Variants in PRDM16 observed in about 807,000 individuals in gnomAD.
The protein encoded by PRDM16 is PR/SET domain 16, also known as histone-lysine N-methyltransferase PRDM16.
PRDM16 carries 23 observed loss-of-function variants against 110.6 expected under a neutral mutation model. The ratio of observed to expected loss-of-function variants is 0.21; its 90% CI spans 0.15 to 0.29. PRDM16 has a LOEUF of 0.29. Among genes scored for constraint, PRDM16 ranks in the 10% least tolerant of loss-of-function variants. The probability of loss-of-function intolerance (pLI) is 1.00; values close to 1 mark genes in which losing one functional copy is unlikely to be tolerated. For missense variants in PRDM16, 1,615 were observed against 1,794.3 expected, an observed-to-expected ratio of 0.90 and a Z score of 1.81; for synonymous variants, 799 against 781.8, an observed-to-expected ratio of 1.02 and a Z score of -0.37.
At chr1:3,089,051 G>C (rs1358627126) in intron 1 of PRDM16, among the ~76,000 whole-genome samples, 1 of 152,184 alleles carries the variant, frequency 6.6e-6, no homozygotes, top group Non-Finnish European at 1.5e-5. Flanking sequence ...CCAAAGTGCT[G>C]GGATTACAGG....
In PRDM16 at chr1:3,243,892, G is replaced by T. The variant is rs1639729560; in HGVS notation, c.388-195G>T. Among the ~76,000 whole-genome samples the T allele has an allele frequency of 6.6e-6, 1 of 152,240 alleles. No homozygotes were observed. Among genetic ancestry groups the T allele is most frequent in the African/African-American group, 2.4e-5 (1 of 41,526 alleles). On this transcript the variant is annotated intron_variant, in intron 2 of 16. Coordinates refer to ENST00000270722, the MANE Select transcript of PRDM16 (RefSeq NM_022114.4). The surrounding 1 kb of genome is among the most constrained non-coding windows in gnomAD (Gnocchi z 5.5). ...CCCTGGGGGGCGCTTGGAGTCCTCG[G>T]TGACTGGGGGAGCCTCTGCTGGAAG...
At chr1:3,254,255 A>C (rs1175034167) in intron 3 of PRDM16, among the ~76,000 whole-genome samples, 1 of 152,216 alleles carries the variant, frequency 6.6e-6, no homozygotes, top group Non-Finnish European at 1.5e-5. Context: ...ACAAAACAAA[A>C]GGGATGCCCT....
rs1206540278 is a variant in PRDM16, at chr1:3,244,885, G to A, written c.438+748G>A. Among the ~76,000 whole-genome samples the A allele has an allele frequency of 6.6e-6, 1 of 152,176 alleles. No homozygotes were observed. The highest frequency in any genetic ancestry group is 1.9e-4 in the East Asian group (1 of 5,194). On this transcript the variant is annotated intron_variant, in intron 3 of 16. Transcript: ENST00000270722. This position sits in a 1 kb window ranked among gnomAD's most constrained non-coding sequence, Gnocchi z 4.1. ...TCGACGGGATATGCATTGCCTGCACGCACACACAGACGTCCACAGACACAG... is the reference window on the plus strand; with the variant it reads ...TCGACGGGATATGCATTGCCTGCACACACACACAGACGTCCACAGACACAG...
chr1:3,364,118 C>T (rs780674244), intron 3 of PRDM16, among the ~76,000 whole-genome samples: 4 of 152,162 alleles, frequency 2.6e-5, no homozygotes, highest in Non-Finnish European at 5.9e-5. Flanking sequence ...AGTCCTGCTA[C>T]GCAGCCTCAG....
chr1:3,323,916 A>C (rs1191417134), intron 3 of PRDM16, among the ~76,000 whole-genome samples: 1 of 152,126 alleles, frequency 6.6e-6, no homozygotes, highest in Admixed American at 6.5e-5. Flanking sequence ...TTACTCCACC[A>C]ACATTGCGGG....
At chr1:3,251,179 C>A (rs1384697441) in intron 3 of PRDM16, among the ~76,000 whole-genome samples, 1 of 152,244 alleles carries the variant, frequency 6.6e-6, no homozygotes, top group Non-Finnish European at 1.5e-5. Context: ...CCTTCCCCAC[C>A]CACCCCTGCC....
chr1:3,220,635 T>C (rs2817147), intron 2 of PRDM16, among the ~76,000 whole-genome samples: 61,118 of 152,106 alleles, frequency 0.4, 18,150 homozygotes, highest in African/African-American at 0.82. Context: ...AGGGGCCCTT[T>C]CTTGAAAGGA....
Position 3,187,505 on chromosome 1 carries a change from G to A in PRDM16, c.387+1031G>A, listed in dbSNP as rs935397402. On this transcript the variant is annotated intron_variant, in intron 2 of 16. Transcript: ENST00000270722. Reference sequence around the variant, plus strand: ...TGGCTCTGGAGAAGTCCCCAGCCAGGTCCATGCTCACTGTCAGGCCTGCCC... The same window carrying A: ...TGGCTCTGGAGAAGTCCCCAGCCAGATCCATGCTCACTGTCAGGCCTGCCC... Among the ~76,000 whole-genome samples the A allele has an allele frequency of 4.6e-5, 7 of 152,218 alleles. No homozygotes were observed. The East Asian group carries it at 1.3e-3, about 29-fold the overall frequency.
At chr1:3,138,038 G>T (rs1490353185) in intron 1 of PRDM16, among the ~76,000 whole-genome samples, 6 of 152,234 alleles carry the variant, frequency 3.9e-5, no homozygotes, top group African/African-American at 1.4e-4. Flanking sequence ...GTGTCCTGCT[G>T]GGAGTTGGAA....
chr1:3,130,432 G>A (rs964489006), intron 1 of PRDM16, among the ~76,000 whole-genome samples: 16 of 152,162 alleles, frequency 1.1e-4, no homozygotes, highest in African/African-American at 3.6e-4. Context: ...CCGAGAGGTG[G>A]GCCCTTCCTG....
At chr1:3,187,944 C>A (rs1269368955) in intron 2 of PRDM16, among the ~76,000 whole-genome samples, 2 of 152,200 alleles carry the variant, frequency 1.3e-5, no homozygotes, top group African/African-American at 4.8e-5. Flanking sequence ...GGCGTACCCC[C>A]CCAACGAGAG....
chr1:3,099,213 G>A (rs865904834), intron 1 of PRDM16, among the ~76,000 whole-genome samples: 1 of 152,252 alleles, frequency 6.6e-6, no homozygotes, highest in Non-Finnish European at 1.5e-5. Flanking sequence ...CCCTTCAGCT[G>A]TGGACTGCCC....
At chr1:3,367,647 ACTT>A in intron 3 of PRDM16, among the ~76,000 whole-genome samples, 1 of 152,200 alleles carries the variant, frequency 6.6e-6, no homozygotes, top group East Asian at 1.9e-4. Flanking sequence ...CACAAGGAGA[ACTT>A]CTTCCCCGCT....
rs189088358 is a variant in PRDM16 at position 3,231,797 on chromosome 1, C to T, written c.388-12290C>T. Among the ~76,000 whole-genome samples, 342 of 152,330 alleles carry T rather than the reference C, an allele frequency of 2.2e-3. 2 individuals carry two copies. Among genetic ancestry groups the T allele is most frequent in the Admixed American group, 5.0e-3 (77 of 15,302 alleles). On this transcript the variant is annotated intron_variant, in intron 2 of 16. Transcript: ENST00000270722. ...CGGGAGGTTACTTGGAAATCACGGG[C>T]AGAGCGGGCAGCCTTTCACCTGCCA...
At chr1:3,278,088 G>A (rs75054167) in intron 3 of PRDM16, among the ~76,000 whole-genome samples, 3,776 of 152,348 alleles carry the variant, frequency 0.025, 162 homozygotes, top group African/African-American at 0.085. Flanking sequence ...GTCTGAGACA[G>A]TGTGAAGGCT....
chr1:3,139,594 A>C (rs1291913947), intron 1 of PRDM16, among the ~76,000 whole-genome samples: 1 of 152,232 alleles, frequency 6.6e-6, no homozygotes, highest in African/African-American at 2.4e-5. Flanking sequence ...ATCGCGAATA[A>C]TGCCAAGCAT....
chr1:3,434,142 C>G lies in PRDM16; in HGVS notation c.*331C>G, dbSNP rs1276636049. 9 of 339,620 alleles carry G rather than the reference C, an allele frequency of 2.7e-5. No homozygotes were observed. Among genetic ancestry groups the G allele is most frequent in the Non-Finnish European group, 4.9e-5 (9 of 185,484 alleles). The allele number at this position is 339,620 out of a possible 1,614,324, so 21.0% of individuals were successfully genotyped here. A position where few individuals can be genotyped will look rare whatever the true frequency, so the allele number is the denominator to read the frequency against. ...GCTCTGCTGAGACAGAAGCTGGTGG[C>G]CACTGCCGGGTGCCCGCGTGGGGTC... On this transcript the variant is annotated 3_prime_UTR_variant, in exon 17 of 17. Coordinates refer to ENST00000270722, the MANE Select transcript of PRDM16 (RefSeq NM_022114.4).
rs564429694 is a variant in PRDM16 at position 3,406,033 on chromosome 1, T to G, written c.1186+385T>G. Among the ~76,000 whole-genome samples the G allele has an allele frequency of 1.4e-4, 21 of 152,304 alleles. No individual in the cohort carries two copies. The South Asian group carries it at 4.4e-3, about 32-fold the overall frequency. ...GTGCCGAGCTCCAGAAGGGCGTGCTTCTGTGCTGCCCTGCACGTGACAGTC... is the reference window on the plus strand; with the variant it reads ...GTGCCGAGCTCCAGAAGGGCGTGCTGCTGTGCTGCCCTGCACGTGACAGTC... On this transcript the variant is annotated intron_variant, in intron 8 of 16. Transcript: ENST00000270722.
chr1:3,107,954 T>C (rs915413400), intron 1 of PRDM16, among the ~76,000 whole-genome samples: 1 of 152,218 alleles, frequency 6.6e-6, no homozygotes, highest in Non-Finnish European at 1.5e-5. Flanking sequence ...GGGGGCTGAA[T>C]TGTCAGGGAA....
Sources: gnomAD v4.1 joint callset for allele counts (sites outside exome capture counted in the v4.1 genomes callset) on GRCh38, gnomAD v4.1.1 for gene constraint, Gnocchi (gnomAD v3.1) non-coding constraint, MANE v1.5 for transcripts, NCBI Gene and HGNC (gene_info 2026-07-23, HGNC 2026-07-21) for gene names.